XKR6: variants seen among roughly 807,000 people sequenced by gnomAD.
XKR6 encodes the protein XK related 6.
In XKR6, 22 loss-of-function variants were observed where a neutral mutation model predicts 56.7. The observed-to-expected ratio is 0.39, with a 90% CI of 0.28 to 0.55. The LOEUF (loss-of-function observed/expected upper bound fraction) is 0.55, where lower values mean the gene tolerates loss of function less well. Among genes scored for constraint, XKR6 ranks in the 20% least tolerant of loss-of-function variants. The probability of loss-of-function intolerance (pLI) is 0.66; values close to 1 mark genes in which losing one functional copy is unlikely to be tolerated. For missense variants in XKR6, 852 were observed against 889.0 expected, an observed-to-expected ratio of 0.96 and a Z score of 0.53; for synonymous variants, 524 against 387.8, an observed-to-expected ratio of 1.35 and a Z score of -4.13.
chr8:10,942,937 C>T (rs1801429487), intron 1 of XKR6, among the ~76,000 whole-genome samples: 1 of 152,182 alleles, frequency 6.6e-6, no homozygotes. Context: ...CATGTCTGAC[C>T]ACATCCCAGG....
chr8:11,073,325 C>G (rs1800182423), intron 1 of XKR6, among the ~76,000 whole-genome samples: 1 of 152,134 alleles, frequency 6.6e-6, no homozygotes, highest in South Asian at 2.1e-4. Context: ...CACCTATGTG[C>G]TAGGAACTAC....
At chr8:11,164,568 G>A (rs1586638392) in intron 1 of XKR6, among the ~76,000 whole-genome samples, 1 of 152,192 alleles carries the variant, frequency 6.6e-6, no homozygotes, top group Non-Finnish European at 1.5e-5. Flanking sequence ...ATATGGCTTT[G>A]TCACTTTCAA....
At chr8:11,062,424 C>G (rs921864249) in intron 1 of XKR6, among the ~76,000 whole-genome samples, 3 of 152,196 alleles carry the variant, frequency 2.0e-5, no homozygotes, top group African/African-American at 7.2e-5. Flanking sequence ...CCCCAACTCT[C>G]CTTATCTCCC....
intron 1 of XKR6, among the ~76,000 whole-genome samples, chr8:11,006,681 G>A (rs772681217): frequency 3.9e-5 from 6 of 152,146 alleles, no homozygotes; most frequent in African/African-American, 7.2e-5. Context: ...CATGTGCAAA[G>A]GCTCAGAGGA....
chr8:11,185,470 G>C (rs1375895224), intron 1 of XKR6, among the ~76,000 whole-genome samples: 1 of 152,184 alleles, frequency 6.6e-6, no homozygotes, highest in Non-Finnish European at 1.5e-5. Flanking sequence ...TGACAGTGAA[G>C]ATTTACTGTA....
chr8:10,975,465 G>A (rs1802527617), intron 1 of XKR6, among the ~76,000 whole-genome samples: 1 of 152,254 alleles, frequency 6.6e-6, no homozygotes, highest in Non-Finnish European at 1.5e-5. Flanking sequence ...GAGCTAGCCA[G>A]AGCCACGTGC....
At chr8:11,192,376 C>T (rs1585040157) in intron 1 of XKR6, among the ~76,000 whole-genome samples, 1 of 150,972 alleles carries the variant, frequency 6.6e-6, no homozygotes, top group South Asian at 2.1e-4. Context: ...GTCTCGATCT[C>T]CTGACCTCGT....
intron 1 of XKR6, among the ~76,000 whole-genome samples, chr8:10,938,142 C>G (rs1483495248): frequency 6.6e-6 from 1 of 152,324 alleles, no homozygotes; most frequent in East Asian, 1.9e-4. Context: ...GCGCAATATT[C>G]GGGTGGGAGT....
chr8:11,077,836 A>T lies in XKR6; in HGVS notation c.764+122740T>A, dbSNP rs929745511. ...AATGGAGTCTGCTGCTGCTGTAGTC[A>T]CAAGAGGGGGACCCTGGCATGATCA... is the stretch of plus-strand genomic sequence containing the variant. On this transcript the variant is annotated intron_variant, in intron 1 of 2. Transcript: ENST00000416569. Among the ~76,000 whole-genome samples, 6 of 152,270 alleles carry T rather than the reference A, an allele frequency of 3.9e-5. No individual in the cohort carries two copies. The East Asian group carries it at 9.7e-4, about 25-fold the overall frequency.
At chr8:10,996,569 G>C (rs943479512) in intron 1 of XKR6, among the ~76,000 whole-genome samples, 46 of 152,242 alleles carry the variant, frequency 3.0e-4, no homozygotes, top group Middle Eastern at 3.4e-3. Flanking sequence ...TACACCCCCA[G>C]CTCCAATCTC....
intron 1 of XKR6, among the ~76,000 whole-genome samples, chr8:10,997,815 C>A (rs1444240447): frequency 6.6e-6 from 1 of 152,164 alleles, no homozygotes; most frequent in Admixed American, 6.5e-5. Flanking sequence ...TCCACGTTCA[C>A]AAGCAGCGCT....
chr8:11,004,131 C>T (rs1206236726), intron 1 of XKR6, among the ~76,000 whole-genome samples: 2 of 152,116 alleles, frequency 1.3e-5, no homozygotes, highest in Non-Finnish European at 1.5e-5. Flanking sequence ...TTATGAGGAG[C>T]CCTGGGAGTC....
intron 1 of XKR6, among the ~76,000 whole-genome samples, chr8:11,017,544 G>T (rs1302843407): frequency 2.6e-5 from 4 of 152,248 alleles, no homozygotes; most frequent in Non-Finnish European, 5.9e-5. Flanking sequence ...TGCTGAGCCT[G>T]TTGCAGCTGC....
intron 1 of XKR6, among the ~76,000 whole-genome samples, chr8:10,946,609 T>C (rs1395487261): frequency 1.3e-5 from 2 of 151,972 alleles, no homozygotes; most frequent in Non-Finnish European, 2.9e-5. Context: ...CATGCCCCTT[T>C]ATGACATTCC....
intron 1 of XKR6, among the ~76,000 whole-genome samples, chr8:10,957,607 G>C (rs932470252): frequency 2.0e-5 from 3 of 152,202 alleles, no homozygotes; most frequent in Non-Finnish European, 2.9e-5. Context: ...AGGAAAATGA[G>C]AGGAGACTGC....
intron 1 of XKR6, among the ~76,000 whole-genome samples, chr8:11,131,100 C>A (rs1342679014): frequency 2.0e-5 from 3 of 152,090 alleles, no homozygotes; most frequent in African/African-American, 7.2e-5. Flanking sequence ...TTGTTCACAG[C>A]CACAATAACC....
chr8:11,085,004 G>A (rs1413715199), intron 1 of XKR6, among the ~76,000 whole-genome samples: 1 of 152,120 alleles, frequency 6.6e-6, no homozygotes, highest in East Asian at 1.9e-4. Flanking sequence ...CTGCATCCAG[G>A]TGCACCTGCA....
At chr8:11,166,435 G>C (rs1440576901) in intron 1 of XKR6, among the ~76,000 whole-genome samples, 1 of 152,076 alleles carries the variant, frequency 6.6e-6, no homozygotes, top group Admixed American at 6.5e-5. Context: ...GAGAGATAAA[G>C]GGCCGTTGCT....
intron 2 of XKR6, among the ~76,000 whole-genome samples, chr8:10,912,430 A>T (rs1800417650): frequency 7.8e-6 from 1 of 127,902 alleles, no homozygotes; most frequent in Non-Finnish European, 1.6e-5. Flanking sequence ...TATATATATG[A>T]GAGACGATAG....
Sources: gnomAD v4.1 joint callset for allele counts (sites outside exome capture counted in the v4.1 genomes callset) on GRCh38, gnomAD v4.1.1 for gene constraint, MANE v1.5 for transcripts, NCBI Gene and HGNC (gene_info 2026-07-23, HGNC 2026-07-21) for gene names.